IL1RL2: variants seen among roughly 807,000 people sequenced by gnomAD.
The protein encoded by IL1RL2 is interleukin 1 receptor like 2.
In IL1RL2, 68 loss-of-function variants were observed where a neutral mutation model predicts 66.8. That is an observed-to-expected ratio of 1.02 (90% CI 0.84 to 1.25). IL1RL2 has a LOEUF of 1.25. IL1RL2 is among the 50% of genes most tolerant of loss of function. The probability of loss-of-function intolerance (pLI) is 0.00; values close to 1 mark genes in which losing one functional copy is unlikely to be tolerated. For missense variants in IL1RL2, 729 were observed against 709.3 expected, an observed-to-expected ratio of 1.03 and a Z score of -0.32; for synonymous variants, 305 against 264.6, an observed-to-expected ratio of 1.15 and a Z score of -1.48.
chr2:102,238,282 C>T (rs1336906422), intron 11 of IL1RL2, among the ~76,000 whole-genome samples: 5 of 152,144 alleles, frequency 3.3e-5, no homozygotes, highest in Non-Finnish European at 7.4e-5. Context: ...TGGTATCTCC[C>T]CTCAAATACC....
intron 11 of IL1RL2, among the ~76,000 whole-genome samples, chr2:102,236,400 C>T (rs796246471): frequency 2.6e-5 from 4 of 152,080 alleles, no homozygotes; most frequent in African/African-American, 4.8e-5. Flanking sequence ...CGTTCACAGG[C>T]GATGGGTGGT....
intron 11 of IL1RL2, 109 bp from the exon 12 acceptor site, chr2:102,239,083 T>C (rs1675112782): frequency 1.1e-6 from 1 of 898,846 alleles, no homozygotes; most frequent in Non-Finnish European, 1.8e-6. Flanking sequence ...TACCACCAGA[T>C]GAACTGACGG....
intron 11 of IL1RL2, chr2:102,235,695 C>A: frequency 2.0e-6 from 2 of 985,344 alleles, no homozygotes; most frequent in African/African-American, 3.5e-5. Flanking sequence ...CAGTCTAGCA[C>A]CAGGAGAGGG....
At chr2:102,208,205 T>G (rs1330870163) in intron 5 of IL1RL2, among the ~76,000 whole-genome samples, 2 of 152,342 alleles carry the variant, frequency 1.3e-5, no homozygotes, top group Non-Finnish European at 2.9e-5. Flanking sequence ...TATGAGTGAT[T>G]TTTGGTTCTT....
intron 8 of IL1RL2, among the ~76,000 whole-genome samples, chr2:102,224,693 T>C (rs1205751704): frequency 6.6e-6 from 1 of 152,162 alleles, no homozygotes; most frequent in Non-Finnish European, 1.5e-5. Flanking sequence ...AGGAATAATT[T>C]ATTGTATAAT....
intron 6 of IL1RL2, among the ~76,000 whole-genome samples, chr2:102,214,827 TA>T (rs1689465660): frequency 2.6e-5 from 4 of 152,226 alleles, no homozygotes; most frequent in Admixed American, 2.6e-4. Context: ...AATTGCTGAC[TA>T]GGGGCTCCTA....
intron 9 of IL1RL2, 103 bp from the exon 10 acceptor site, chr2:102,232,858 GAA>G: frequency 7.5e-7 from 1 of 1,328,188 alleles, no homozygotes; most frequent in Non-Finnish European, 1.0e-6. Flanking sequence ...AGAAGTCATG[GAA>G]CCCAGGCCAA....
intron 8 of IL1RL2, among the ~76,000 whole-genome samples, chr2:102,224,652 T>C (rs1017164091): frequency 1.4e-4 from 22 of 152,106 alleles, no homozygotes; most frequent in African/African-American, 5.3e-4. Flanking sequence ...TGAGATCTAG[T>C]GTTTGGTAGC....
At chr2:102,227,531 A>T (rs553619902) in intron 9 of IL1RL2, among the ~76,000 whole-genome samples, 1 of 152,180 alleles carries the variant, frequency 6.6e-6, no homozygotes, top group South Asian at 2.1e-4. Flanking sequence ...TGCAACCTGA[A>T]GTGCTGCTAG....
chr2:102,222,190 A>C (rs949189842), intron 8 of IL1RL2, among the ~76,000 whole-genome samples: 1 of 152,190 alleles, frequency 6.6e-6, no homozygotes, highest in African/African-American at 2.4e-5. Flanking sequence ...TCAGTGTATC[A>C]CTGATATAGC....
chr2:102,221,291 A>G (rs776318174), intron 8 of IL1RL2, among the ~76,000 whole-genome samples: 8 of 151,764 alleles, frequency 5.3e-5, no homozygotes, highest in Non-Finnish European at 1.0e-4. Flanking sequence ...CTGTGTCCTC[A>G]TCCCTCAAAT....
intron 5 of IL1RL2, among the ~76,000 whole-genome samples, chr2:102,206,475 T>C (rs1253833469): frequency 2.0e-5 from 3 of 152,368 alleles, no homozygotes; most frequent in East Asian, 1.9e-4. Context: ...GCTGTGGTTC[T>C]TGCAGACCTG....
chr2:102,232,628 T>G (rs987959832), intron 9 of IL1RL2, among the ~76,000 whole-genome samples: 1 of 152,228 alleles, frequency 6.6e-6, no homozygotes, highest in African/African-American at 2.4e-5. Context: ...TCTTCTGCCT[T>G]TAATTCTCAT....
intron 4 of IL1RL2, among the ~76,000 whole-genome samples, chr2:102,199,061 C>T (rs1023972022): frequency 6.6e-6 from 1 of 152,130 alleles, no homozygotes; most frequent in Non-Finnish European, 1.5e-5. Flanking sequence ...TGTAGAAGTC[C>T]TGCTCCCTCT....
intron 9 of IL1RL2, among the ~76,000 whole-genome samples, chr2:102,229,003 C>T (rs191965333): frequency 4.4e-4 from 67 of 152,282 alleles, no homozygotes; most frequent in Non-Finnish European, 9.1e-4. Context: ...GTTTTCTATG[C>T]ATATTGGGGG....
At chr2:102,237,293 C>T (rs1009717802) in intron 11 of IL1RL2, among the ~76,000 whole-genome samples, 6 of 152,222 alleles carry the variant, frequency 3.9e-5, no homozygotes, top group East Asian at 1.9e-4. Context: ...AGTGACCACT[C>T]ACCCTTTGCG....
intron 5 of IL1RL2, among the ~76,000 whole-genome samples, chr2:102,210,099 G>A (rs968413724): frequency 1.3e-5 from 2 of 152,216 alleles, no homozygotes; most frequent in African/African-American, 4.8e-5. Flanking sequence ...TGAGAAAGCA[G>A]TGGCTCAGGG....
At chr2:102,207,680 G>A (rs1688817446) in intron 5 of IL1RL2, among the ~76,000 whole-genome samples, 1 of 151,544 alleles carries the variant, frequency 6.6e-6, no homozygotes, top group South Asian at 2.1e-4. Context: ...TTTTATAGCT[G>A]CAAGGTGTGC....
intron 5 of IL1RL2, among the ~76,000 whole-genome samples, chr2:102,211,686 G>A (rs1014939614): frequency 6.6e-6 from 1 of 152,172 alleles, no homozygotes; most frequent in African/African-American, 2.4e-5. Flanking sequence ...CATGGAACAG[G>A]AACTGCATGA....
Sources: allele counts gnomAD v4.1 joint callset (sites outside exome capture counted in the v4.1 genomes callset), GRCh38; gene constraint gnomAD v4.1.1; transcripts MANE v1.5; gene names NCBI Gene and HGNC (gene_info 2026-07-23, HGNC 2026-07-21).